The following SPIDR variants were observed in gnomAD, a reference collection of about 807,000 sequenced individuals.
SPIDR encodes the protein scaffold protein involved in DNA repair, also known as DNA repair-scaffolding protein.
In SPIDR, 93 loss-of-function variants were observed where a neutral mutation model predicts 104.6. The observed-to-expected ratio is 0.89, with a 90% CI of 0.75 to 1.06. The LOEUF (loss-of-function observed/expected upper bound fraction) is 1.06. Ranked by LOEUF, SPIDR falls within the 50% of genes least tolerant of loss-of-function variation. SPIDR has a pLI of 0.00. For missense variants in SPIDR, 1,154 were observed against 1,111.2 expected (o/e 1.04, Z -0.55); for synonymous variants, 431 against 416.9 (o/e 1.03, Z -0.41).
At chr8:47,555,648 G>T (rs553384185) in intron 8 of SPIDR, among the ~76,000 whole-genome samples, 1 of 152,230 alleles carries the variant, frequency 6.6e-6, no homozygotes, top group South Asian at 2.1e-4. Context: ...CTAGGAGTGG[G>T]GTATGTGTAT....
At chr8:47,548,429 C>A (rs907865003) in intron 8 of SPIDR, among the ~76,000 whole-genome samples, 36 of 152,324 alleles carry the variant, frequency 2.4e-4, no homozygotes, top group African/African-American at 8.2e-4. Context: ...TGGTGGATCA[C>A]CTGAGGTCAG....
chr8:47,681,025 T>C (rs1428951040), intron 11 of SPIDR, among the ~76,000 whole-genome samples: 1 of 152,140 alleles, frequency 6.6e-6, no homozygotes, highest in Non-Finnish European at 1.5e-5. Context: ...ATCACGCCAT[T>C]GCGCTCCAGC....
rs960357221 is a variant in SPIDR, at chr8:47,735,770, A to G, written c.*320A>G. Reference sequence around the variant, plus strand: ...AAAAAATTTTTTTTGTTCATTTGTAATTTTAACAAGTTGAACATTTTACCA... The same window carrying G: ...AAAAAATTTTTTTTGTTCATTTGTAGTTTTAACAAGTTGAACATTTTACCA... On this transcript the variant is annotated 3_prime_UTR_variant, in exon 20 of 20. Transcript: ENST00000297423. 20 of 521,836 alleles carry G rather than the reference A, an allele frequency of 3.8e-5. No individual in the cohort carries two copies. The highest frequency in any genetic ancestry group is 6.4e-5 in the Non-Finnish European group (19 of 297,234). 32.3% of individuals were successfully genotyped at this position (521,836 alleles called of 1,614,324 possible).
At chr8:47,631,364 G>A (rs1355097688) in intron 10 of SPIDR, among the ~76,000 whole-genome samples, 1 of 152,210 alleles carries the variant, frequency 6.6e-6, no homozygotes, top group South Asian at 2.1e-4. Flanking sequence ...CTGTCTTAGG[G>A]TCAATTTATA....
intron 5 of SPIDR, among the ~76,000 whole-genome samples, chr8:47,376,550 C>T (rs2058681564): frequency 6.6e-6 from 1 of 152,172 alleles, no homozygotes; most frequent in Admixed American, 6.5e-5. Flanking sequence ...CATTAGAAAA[C>T]CCATACAGGG....
intron 4 of SPIDR, among the ~76,000 whole-genome samples, chr8:47,291,896 T>G (rs1320952160): frequency 6.6e-6 from 1 of 152,214 alleles, no homozygotes; most frequent in Non-Finnish European, 1.5e-5. Context: ...AAAGCAGAGT[T>G]TCTCATCCTT....
chr8:47,310,472 A>G (rs1051845739), intron 5 of SPIDR, among the ~76,000 whole-genome samples: 1 of 152,198 alleles, frequency 6.6e-6, no homozygotes, highest in Non-Finnish European at 1.5e-5. Context: ...TAACAATGAC[A>G]ACTTTTGGAC....
chr8:47,557,624 G>C (rs544822063), intron 8 of SPIDR, among the ~76,000 whole-genome samples: 1 of 152,148 alleles, frequency 6.6e-6, no homozygotes, highest in Non-Finnish European at 1.5e-5. Context: ...ACAGGTGTTG[G>C]CTGAACCCTT....
chr8:47,441,891 T>A (rs2069517870), intron 8 of SPIDR, among the ~76,000 whole-genome samples: 1 of 152,196 alleles, frequency 6.6e-6, no homozygotes, highest in South Asian at 2.1e-4. Context: ...CCAACATTAT[T>A]TATTGAACAT....
intron 8 of SPIDR, among the ~76,000 whole-genome samples, chr8:47,455,141 A>G (rs1437186599): frequency 4.6e-5 from 7 of 152,130 alleles, no homozygotes; most frequent in African/African-American, 1.7e-4. Context: ...TTTCCTATAT[A>G]ATTTTATGGG....
rs1311605298 is a variant in SPIDR, at chr8:47,284,798, G to A, written c.256+704G>A. Reference sequence around the variant, plus strand: ...CCTTTGACTAGAACCTGTTACAAACGGTCACCTCCACTAAAGATACTTTAG... The same window carrying A: ...CCTTTGACTAGAACCTGTTACAAACAGTCACCTCCACTAAAGATACTTTAG... On this transcript the variant is annotated intron_variant, in intron 3 of 19. Transcript: ENST00000297423. Among the ~76,000 whole-genome samples, 77 of 152,258 alleles carry A rather than the reference G, an allele frequency of 5.1e-4. 1 individual carries two copies. Among genetic ancestry groups the A allele is most frequent in the Admixed American group, 6.5e-5 (1 of 15,296 alleles).
intron 8 of SPIDR, among the ~76,000 whole-genome samples, chr8:47,509,819 TG>T (rs1177406421): frequency 6.6e-6 from 1 of 152,138 alleles, no homozygotes; most frequent in Non-Finnish European, 1.5e-5. Context: ...AATACCATGG[TG>T]GCACGTGGAT....
At chr8:47,700,264 C>A in intron 11 of SPIDR, 139 bp from the exon 12 acceptor site, 1 of 871,008 alleles carries the variant, frequency 1.1e-6, no homozygotes, top group Non-Finnish European at 1.9e-6. Context: ...CCTTCTTCCC[C>A]CTCTGAATCG....
intron 10 of SPIDR, chr8:47,660,521 C>T (rs1164450588): frequency 4.1e-6 from 4 of 985,268 alleles, no homozygotes; most frequent in East Asian, 2.3e-4. Flanking sequence ...ACAGGTGATT[C>T]TGCTGCTACC....
At chr8:47,716,936 A>T (rs2082668296) in intron 16 of SPIDR, among the ~76,000 whole-genome samples, 2 of 152,144 alleles carry the variant, frequency 1.3e-5, no homozygotes, top group African/African-American at 4.8e-5. Flanking sequence ...TTTTTAATGA[A>T]GAAATTCTGC....
intron 8 of SPIDR, among the ~76,000 whole-genome samples, chr8:47,562,252 T>C (rs747490576): frequency 2.6e-5 from 4 of 152,220 alleles, no homozygotes; most frequent in Non-Finnish European, 5.9e-5. Flanking sequence ...TAACATTTCA[T>C]TGGTTTAAAA....
chr8:47,638,261 G>T (rs1412529077), intron 10 of SPIDR, among the ~76,000 whole-genome samples: 3 of 151,868 alleles, frequency 2.0e-5, no homozygotes, highest in African/African-American at 7.3e-5. Flanking sequence ...TTCAAGAATG[G>T]TATTAGATAC....
rs201481753 is a variant in SPIDR, at chr8:47,549,687, T to G, written c.1098-46124T>G. Among the ~76,000 whole-genome samples the G allele has an allele frequency of 1.2e-4, 19 of 152,340 alleles. No homozygotes were observed. In the East Asian group the frequency reaches 3.1e-3, roughly 25 times the overall value. On this transcript the variant is annotated intron_variant, in intron 8 of 19. Transcript: ENST00000297423. ...TTAGCCCTTTTTCAGATGAGTAGAT[T>G]GCAAAAATGTTCTCCTATTCTGTAG...
chr8:47,565,627 A>G (rs1353754295), intron 8 of SPIDR, among the ~76,000 whole-genome samples: 1 of 151,968 alleles, frequency 6.6e-6, no homozygotes, highest in African/African-American at 2.4e-5. Flanking sequence ...AAAATATTTT[A>G]TAGTCTTTAC....
Sources: allele counts gnomAD v4.1 joint callset (sites outside exome capture counted in the v4.1 genomes callset), GRCh38; gene constraint gnomAD v4.1.1; transcripts MANE v1.5; gene names NCBI Gene and HGNC (gene_info 2026-07-23, HGNC 2026-07-21).